The following HS2ST1 variants were observed in gnomAD, a reference collection of about 807,000 sequenced individuals.
The protein encoded by HS2ST1 is heparan sulfate 2-O-sulfotransferase 1.
A neutral mutation model predicts 42.9 loss-of-function variants in HS2ST1; 18 were observed. The observed-to-expected ratio is 0.42, with a 90% CI of 0.29 to 0.62. The LOEUF is 0.62. Among genes scored for constraint, HS2ST1 ranks in the 20% least tolerant of loss-of-function variants. The probability of loss-of-function intolerance (pLI) is 0.21; values close to 1 mark genes in which losing one functional copy is unlikely to be tolerated. For synonymous variants in HS2ST1, 146 were observed against 152.9 expected, an observed-to-expected ratio of 0.95 and a Z score of 0.33; for missense variants, 334 against 433.8, an observed-to-expected ratio of 0.77 and a Z score of 2.04.
At chr1:86,924,733 A>G (rs2102157620) in intron 1 of HS2ST1, among the ~76,000 whole-genome samples, 1 of 152,262 alleles carries the variant, frequency 6.6e-6, no homozygotes, top group Non-Finnish European at 1.5e-5. Context: ...CCTAGGTTGC[A>G]CATAGCACGG....
At chr1:87,059,644 A>G (rs1186720061) in intron 1 of HS2ST1, among the ~76,000 whole-genome samples, 1 of 152,190 alleles carries the variant, frequency 6.6e-6, no homozygotes, top group African/African-American at 2.4e-5. Flanking sequence ...TATGATTTTT[A>G]ACTATGATAT....
chr1:86,962,591 T>A (rs2102198716), intron 1 of HS2ST1, among the ~76,000 whole-genome samples: 1 of 152,268 alleles, frequency 6.6e-6, no homozygotes, highest in Non-Finnish European at 1.5e-5. Context: ...AAATATGAAG[T>A]TTGGACACAT....
At chr1:87,081,027 G>T (rs527927997) in intron 2 of HS2ST1, among the ~76,000 whole-genome samples, 1 of 152,016 alleles carries the variant, frequency 6.6e-6, no homozygotes, top group Non-Finnish European at 1.5e-5. Flanking sequence ...TTAAACATAC[G>T]TCTGTCCAAC....
rs190084089 is a variant in HS2ST1, at chr1:87,064,379, A to G, written c.125-8555A>G. On this transcript the variant is annotated intron_variant, in intron 1 of 6. Transcript: ENST00000370550. ...TCTTTTAGAGTCTTACATTTGTTTCATGTATTGTGTGCCAGTATTTTAGGT... is the reference window on the plus strand; with the variant it reads ...TCTTTTAGAGTCTTACATTTGTTTCGTGTATTGTGTGCCAGTATTTTAGGT... 1.1e-5 allele frequency: 5 copies of G among 453,602 alleles called. No homozygotes were observed. In the Admixed American group the frequency reaches 1.2e-4, roughly 11 times the overall value. The allele number at this position is 453,602 out of a possible 1,614,324, so 28.1% of individuals were successfully genotyped here. A position where few individuals can be genotyped will look rare whatever the true frequency, so the allele number is the denominator to read the frequency against.
At chr1:86,976,155 A>G (rs1461959446) in intron 1 of HS2ST1, among the ~76,000 whole-genome samples, 1 of 152,226 alleles carries the variant, frequency 6.6e-6, no homozygotes, top group African/African-American at 2.4e-5. Context: ...ATTCAGTGGC[A>G]GATGTTAACA....
intron 2 of HS2ST1, among the ~76,000 whole-genome samples, chr1:87,074,079 C>G (rs1651481530): frequency 6.6e-6 from 1 of 152,172 alleles, no homozygotes; most frequent in African/African-American, 2.4e-5. Context: ...TACATTGAGA[C>G]ACAAGACTAA....
intron 1 of HS2ST1, among the ~76,000 whole-genome samples, chr1:86,985,368 G>GTATATATATGTA (rs71082051): frequency 5.2e-4 from 14 of 26,920 alleles, no homozygotes; most frequent in African/African-American, 1.1e-3. Flanking sequence ...AAAAAAAAAA[G>GTATATATATGTA]TATATATATA....
At chr1:86,983,836 T>A (rs1648673041) in intron 1 of HS2ST1, among the ~76,000 whole-genome samples, 1 of 150,240 alleles carries the variant, frequency 6.7e-6, no homozygotes, top group Non-Finnish European at 1.5e-5. Flanking sequence ...AGGTCAGGAG[T>A]TCAAGACCAG....
chr1:87,082,515 A>G (rs1651720586), intron 2 of HS2ST1, among the ~76,000 whole-genome samples: 1 of 152,202 alleles, frequency 6.6e-6, no homozygotes, highest in Non-Finnish European at 1.5e-5. Flanking sequence ...GTTGCTAAAT[A>G]TATCTTAAGC....
intron 1 of HS2ST1, among the ~76,000 whole-genome samples, chr1:86,919,834 AAG>A (rs1660253635): frequency 6.6e-6 from 1 of 152,222 alleles, no homozygotes; most frequent in African/African-American, 2.4e-5. Context: ...ACCTGTGAAA[AAG>A]AGAAGTTTTT....
At chr1:87,031,529 C>T (rs1650237997) in intron 1 of HS2ST1, among the ~76,000 whole-genome samples, 2 of 152,126 alleles carry the variant, frequency 1.3e-5, no homozygotes, top group South Asian at 4.1e-4. Context: ...TAGCTTGTGC[C>T]AAAATGTAAA....
At chr1:87,056,608 T>A (rs1184499145) in intron 1 of HS2ST1, among the ~76,000 whole-genome samples, 5 of 152,174 alleles carry the variant, frequency 3.3e-5, no homozygotes, top group African/African-American at 1.2e-4. Context: ...ATTATAAAAT[T>A]CAAAAAAACT....
chr1:87,014,050 C>T (rs560045487), intron 1 of HS2ST1, among the ~76,000 whole-genome samples: 46 of 152,220 alleles, frequency 3.0e-4, no homozygotes, highest in Non-Finnish European at 4.7e-4. Context: ...CTTCTGAGCC[C>T]TCCAAACTGT....
intron 1 of HS2ST1, among the ~76,000 whole-genome samples, chr1:87,058,329 T>G (rs941539163): frequency 6.6e-6 from 1 of 151,816 alleles, no homozygotes; most frequent in African/African-American, 2.4e-5. Flanking sequence ...GTCATATCTT[T>G]TTTTCTGGAG....
At chr1:86,963,793 C>G (rs1227569092) in intron 1 of HS2ST1, among the ~76,000 whole-genome samples, 1 of 137,800 alleles carries the variant, frequency 7.3e-6, no homozygotes, top group South Asian at 2.3e-4. Context: ...TGGGGGCTGG[C>G]CCCCACCTCC....
intron 1 of HS2ST1, among the ~76,000 whole-genome samples, chr1:87,010,416 A>C (rs1409941818): frequency 2.6e-5 from 4 of 152,192 alleles, no homozygotes; most frequent in Non-Finnish European, 4.4e-5. Context: ...TAGAGAGATT[A>C]GTTTACAAAA....
At position 86,972,121 on chromosome 1, in the gene HS2ST1, G is replaced by A. The variant is rs546509942; in HGVS notation, c.124+56961G>A. 2.6e-5 allele frequency among the ~76,000 whole-genome samples: 4 copies of A among 152,248 alleles called. No individual in the cohort carries two copies. In the East Asian group the frequency reaches 7.7e-4, roughly 29 times the overall value. On this transcript the variant is annotated intron_variant, in intron 1 of 6. Coordinates refer to ENST00000370550, the MANE Select transcript of HS2ST1 (RefSeq NM_012262.4). ...GTGCATTCATTATTGCAGTTGCAAGGTTATGAGTTGTTAATGTTTCAGAAA... is the reference window on the plus strand; with the variant it reads ...GTGCATTCATTATTGCAGTTGCAAGATTATGAGTTGTTAATGTTTCAGAAA...
At chr1:87,068,560 G>T (rs891009197) in intron 1 of HS2ST1, among the ~76,000 whole-genome samples, 9 of 152,010 alleles carry the variant, frequency 5.9e-5, no homozygotes, top group Non-Finnish European at 1.0e-4. Context: ...TCTTTCTCCT[G>T]CCTGATTGCC....
chr1:86,948,792 G>A (rs1230559120), intron 1 of HS2ST1, among the ~76,000 whole-genome samples: 1 of 152,186 alleles, frequency 6.6e-6, no homozygotes, highest in Non-Finnish European at 1.5e-5. Context: ...ACATAAAAAT[G>A]TAGATTACAT....
Sources: gnomAD v4.1 joint callset for allele counts (sites outside exome capture counted in the v4.1 genomes callset) on GRCh38, gnomAD v4.1.1 for gene constraint, MANE v1.5 for transcripts, NCBI Gene and HGNC (gene_info 2026-07-23, HGNC 2026-07-21) for gene names.